The following ZAN variants were observed in gnomAD, a reference collection of about 807,000 sequenced individuals.
ZAN encodes the protein zonadhesin.
A neutral mutation model predicts 286.2 loss-of-function variants in ZAN; 260 were observed. That is an observed-to-expected ratio of 0.91 (90% CI 0.82 to 1.01). The LOEUF is 1.01. Ranked by LOEUF, ZAN falls within the 50% of genes least tolerant of loss-of-function variation. The pLI is 0.00. For missense variants in ZAN, 3,410 were observed against 3,639.2 expected (o/e 0.94, Z 1.62); for synonymous variants, 1,368 against 1,417.5 (o/e 0.97, Z 0.79).
At chr7:100,770,261 T>C (rs1396537853) in intron 28 of ZAN, among the ~76,000 whole-genome samples, 1 of 151,682 alleles carries the variant, frequency 6.6e-6, no homozygotes, top group Non-Finnish European at 1.5e-5. Flanking sequence ...TCCCAGTACT[T>C]TGGGAGGCCG....
At chr7:100,791,374 C>T (rs993661111) in intron 40 of ZAN, among the ~76,000 whole-genome samples, 1 of 151,920 alleles carries the variant, frequency 6.6e-6, no homozygotes, top group Non-Finnish European at 1.5e-5. Flanking sequence ...CTTTCCTCCT[C>T]CTCCTCTTCC....
chr7:100,742,724 C>T (rs1584550072), intron 7 of ZAN, among the ~76,000 whole-genome samples: 1 of 66,506 alleles, frequency 1.5e-5, no homozygotes, highest in African/African-American at 5.9e-5. Context: ...GGCGTGGCGG[C>T]GCGTGCCTGC....
intron 27 of ZAN, among the ~76,000 whole-genome samples, chr7:100,769,454 T>C (rs1301698712): frequency 6.6e-6 from 1 of 152,042 alleles, no homozygotes; most frequent in African/African-American, 2.4e-5. Flanking sequence ...TCTTGTCTTG[T>C]CTTTTTTTTT....
intron 37 of ZAN, among the ~76,000 whole-genome samples, chr7:100,787,299 C>T (rs934090370): frequency 1.3e-5 from 2 of 150,642 alleles, no homozygotes; most frequent in Admixed American, 6.6e-5. Flanking sequence ...GGTGGTGGTG[C>T]GCACCTAAAG....
At chr7:100,767,342 C>T in intron 25 of ZAN, 85 bp downstream of exon 25, 1 of 1,535,018 alleles carries the variant, frequency 6.5e-7, no homozygotes, top group Non-Finnish European at 8.7e-7. Context: ...CGGATGCCCA[C>T]CTCTCTGGCT....
chr7:100,736,610 C>CG lies in ZAN; in HGVS notation c.240dup (p.Tyr81ValfsTer3), dbSNP rs773398085. On this transcript the variant is annotated frameshift_variant, in exon 4 of 48. Coordinates refer to ENST00000613979, the MANE Select transcript of ZAN (RefSeq NM_003386.3). LOFTEE classifies it high-confidence loss of function. Reference sequence around the variant, plus strand: ...CTCCCACCGGCTCCACCGGGGCCCCCGGGGGGTACCCTAACGGAGGTGAGG... The same window carrying CG: ...CTCCCACCGGCTCCACCGGGGCCCCCGGGGGGGTACCCTAACGGAGGTGAGG... 14 of 1,522,638 alleles carry CG rather than the reference C, an allele frequency of 9.2e-6. 2 individuals are homozygous for CG. Among genetic ancestry groups the CG allele is most frequent in the South Asian group, 5.6e-5 (5 of 88,848 alleles). The allele number at this position is 1,522,638 out of a possible 1,614,324, so 94.3% of individuals were successfully genotyped here. A position where few individuals can be genotyped will look rare whatever the true frequency, so the allele number is the denominator to read the frequency against.
chr7:100,737,566 C>T (rs1270274245), intron 6 of ZAN, among the ~76,000 whole-genome samples: 2 of 140,076 alleles, frequency 1.4e-5, no homozygotes, highest in East Asian at 2.1e-4. Context: ...ATTAGCCGGG[C>T]GCGGTGGCGG....
Position 100,735,132 on chromosome 7 carries a change from G to A in ZAN, c.54-588G>A, listed in dbSNP as rs960959809. Among the ~76,000 whole-genome samples, 16 of 137,736 alleles carry A rather than the reference G, an allele frequency of 1.2e-4. 2 individuals are homozygous for A. Among genetic ancestry groups the A allele is most frequent in the Non-Finnish European group, 1.1e-4 (7 of 61,820 alleles). The allele number at this position is 137,736 out of a possible 152,430, so 90.4% of individuals were successfully genotyped here. A position where few individuals can be genotyped will look rare whatever the true frequency, so the allele number is the denominator to read the frequency against. On this transcript the variant is annotated intron_variant, in intron 2 of 47. Transcript: ENST00000613979. ...CCGGGAGGCGGAGACTGCAGTGAGC[G>A]GAAATTGCACCATTGCACTCCAGCC...
intron 12 of ZAN, 38 bp from the exon 13 acceptor site, chr7:100,751,144 T>C (rs1336258942): frequency 1.3e-6 from 2 of 1,515,374 alleles, no homozygotes; most frequent in South Asian, 1.3e-5. Context: ...AGATTCATTT[T>C]TGTTTCTCTC....
At position 100,745,818 on chromosome 7, in the gene ZAN, G is replaced by A. The variant is rs1371813602; in HGVS notation, c.767-720G>A. Reference sequence around the variant, plus strand: ...GCAAAAGGATTGCTTGAGCCTAGGAGTTTGAGACCTGTGCCACTGCACTTT... The same window carrying A: ...GCAAAAGGATTGCTTGAGCCTAGGAATTTGAGACCTGTGCCACTGCACTTT... On this transcript the variant is annotated intron_variant, in intron 7 of 47. Coordinates refer to ENST00000613979, the MANE Select transcript of ZAN (RefSeq NM_003386.3). 2.0e-5 allele frequency among the ~76,000 whole-genome samples: 3 copies of A among 152,034 alleles called. No individual in the cohort carries two copies. The East Asian group carries it at 5.8e-4, about 29-fold the overall frequency.
chr7:100,787,500 C>T (rs1027363204), intron 37 of ZAN, among the ~76,000 whole-genome samples: 2 of 152,044 alleles, frequency 1.3e-5, no homozygotes, highest in African/African-American at 2.4e-5. Flanking sequence ...GGGATGCCAC[C>T]GTGGGGGAGG....
At chr7:100,751,429 A>G (rs1478240275) in intron 13 of ZAN, among the ~76,000 whole-genome samples, 163 bp downstream of exon 13, 1 of 152,116 alleles carries the variant, frequency 6.6e-6, no homozygotes, top group East Asian at 1.9e-4. Flanking sequence ...CTGCACTTCA[A>G]GATGTTTGCC....
chr7:100,767,912 C>T lies in ZAN; in HGVS notation c.4942C>T (p.Leu1648Phe). The T allele has an allele frequency of 6.2e-7, 1 of 1,613,936 alleles. No homozygotes were observed. Among genetic ancestry groups the T allele is most frequent in the Non-Finnish European group, 8.5e-7 (1 of 1,179,882 alleles). ...AAGGCTCAGCAGCAACCTCGTCCTCCTCTACACGAACTTTGGGCTCCAAGT... is the reference window on the plus strand; with the variant it reads ...AAGGCTCAGCAGCAACCTCGTCCTCTTCTACACGAACTTTGGGCTCCAAGT... ...TIRLSSNLVL[L>F]YTNFGLQVRY... The change falls in exon 26 of 48, where the codon CTC (leucine) becomes TTC (phenylalanine). Residue 1648 changes from leucine (L) to phenylalanine (F), a missense_variant. Around this residue, in one of 7 missense-constraint regions of ZAN, gnomAD observed 1,042 missense variants for 1,058.0 expected, o/e 0.98. Transcript: ENST00000613979.
rs569381854 is a variant in ZAN at position 100,761,643 on chromosome 7, T to A, written c.3843-572T>A. Among the ~76,000 whole-genome samples, 193 of 150,714 alleles carry A rather than the reference T, an allele frequency of 1.3e-3. 2 individuals are homozygous for A. The highest frequency in any genetic ancestry group is 4.4e-3 in the African/African-American group (182 of 40,946). On this transcript the variant is annotated intron_variant, in intron 19 of 47. Coordinates refer to ENST00000613979, the MANE Select transcript of ZAN (RefSeq NM_003386.3). Reference sequence around the variant, plus strand: ...AGGGTGACCCTATCTCTAAAATAAATAAAAAAATAAATAAATAATTTGGCC... The same window carrying A: ...AGGGTGACCCTATCTCTAAAATAAAAAAAAAAATAAATAAATAATTTGGCC...
chr7:100,762,132 G>C, intron 19 of ZAN, 83 bp from the exon 20 acceptor site: 1 of 1,569,472 alleles, frequency 6.4e-7, no homozygotes, highest in Non-Finnish European at 8.7e-7. Context: ...TAGGATCCCA[G>C]CTCCTTGCCT....
intron 7 of ZAN, among the ~76,000 whole-genome samples, chr7:100,745,151 T>G (rs1418912049): frequency 6.6e-6 from 1 of 151,834 alleles, no homozygotes; most frequent in East Asian, 1.9e-4. Flanking sequence ...CCCAAAGTGC[T>G]GGGATTACAG....
Position 100,751,753 on chromosome 7 carries a change from T to C in ZAN, c.1648T>C (p.Ser550Pro). The C allele has an allele frequency of 6.3e-7, 1 of 1,594,960 alleles. No individual in the cohort carries two copies. The highest frequency in any genetic ancestry group is 8.5e-7 in the Non-Finnish European group (1 of 1,175,238). ...PELPPVSPVS[S>P]TGPSETTGLT... Reference sequence around the variant, plus strand: ...GCTTCCTCCCGTATCTCCAGTTTCTTCCACTGGCCCTTCTGAAACCACTGG... The same window carrying C: ...GCTTCCTCCCGTATCTCCAGTTTCTCCCACTGGCCCTTCTGAAACCACTGG... Residue 550 changes from serine to proline, a missense_variant, in exon 14 of 48, where the codon TCC becomes CCC. By Grantham distance (74) the Ser-to-Pro change is moderately conservative. This residue lies in a region of ZAN where 872 missense variants were observed against 938.9 expected (regional missense o/e 0.93). Coordinates refer to ENST00000613979, the MANE Select transcript of ZAN (RefSeq NM_003386.3).
intron 39 of ZAN, 48 bp from the exon 40 acceptor site, chr7:100,790,894 A>AG (rs1380790225): frequency 1.4e-6 from 2 of 1,473,102 alleles, no homozygotes; most frequent in Admixed American, 5.1e-5. Context: ...AAAAAAAAAA[A>AG]AAAAAGAGTG....
At chr7:100,773,246 A>G in intron 29 of ZAN, 39 bp from the exon 30 acceptor site, 1 of 1,602,574 alleles carries the variant, frequency 6.2e-7, no homozygotes, top group South Asian at 1.1e-5. Flanking sequence ...GGGGCTGGAC[A>G]TGCCACCCCA....
Sources: gnomAD v4.1 joint callset for allele counts (sites outside exome capture counted in the v4.1 genomes callset) on GRCh38, gnomAD v4.1.1 for gene constraint, gnomAD v4.1.1 regional missense constraint, MANE v1.5 for transcripts, NCBI Gene and HGNC (gene_info 2026-07-23, HGNC 2026-07-21) for gene names.